The following ZMYND11 variants were observed in gnomAD, a reference collection of about 807,000 sequenced individuals.
ZMYND11 encodes the protein zinc finger MYND-type containing 11.
In ZMYND11, 9 loss-of-function variants were observed where a neutral mutation model predicts 84.9. That is an observed-to-expected ratio of 0.11 (90% CI 0.06 to 0.18). The LOEUF (loss-of-function observed/expected upper bound fraction) is 0.18. Ranked by LOEUF, ZMYND11 falls within the 10% of genes least tolerant of loss-of-function variation. The probability of loss-of-function intolerance (pLI) is 1.00; values close to 1 mark genes in which losing one functional copy is unlikely to be tolerated. For synonymous variants in ZMYND11, 250 were observed against 244.1 expected (o/e 1.02, Z -0.23); for missense variants, 409 against 761.0 (o/e 0.54, Z 5.44).
chr10:237,686 G>T lies in ZMYND11; in HGVS notation c.609+9G>T, dbSNP rs748219867. On this transcript the variant is annotated intron_variant, in intron 6 of 14. Coordinates refer to ENST00000381604, the MANE Select transcript of ZMYND11 (RefSeq NM_001370100.5). The stretch of plus-strand genomic sequence containing the variant: ...TTCCCACCATTCAAGAGGTAAAGTC[G>T]GTTTCTTTTATTTCCACTTCAAGTA... 1 of 1,596,404 alleles carries T rather than the reference G, an allele frequency of 6.3e-7. No homozygotes were observed. Among genetic ancestry groups the T allele is most frequent in the South Asian group, 1.1e-5 (1 of 87,818 alleles).
chr10:149,128 A>C (rs548491579), intron 1 of ZMYND11, among the ~76,000 whole-genome samples: 1 of 152,068 alleles, frequency 6.6e-6, no homozygotes, highest in African/African-American at 2.4e-5. Flanking sequence ...GACTTTGAAA[A>C]ATACGAATTT....
intron 1 of ZMYND11, among the ~76,000 whole-genome samples, chr10:159,296 A>C (rs1316794325): frequency 5.3e-5 from 8 of 151,882 alleles, no homozygotes; most frequent in African/African-American, 1.9e-4. Flanking sequence ...TGTATATGTA[A>C]TTTTGGTGAT....
At chr10:227,705 A>G (rs1219182664) in intron 4 of ZMYND11, among the ~76,000 whole-genome samples, 1 of 152,234 alleles carries the variant, frequency 6.6e-6, no homozygotes, top group Non-Finnish European at 1.5e-5. Context: ...AATGGGATCA[A>G]ATGCTGAATG....
intron 4 of ZMYND11, among the ~76,000 whole-genome samples, chr10:222,588 G>A (rs1485213770): frequency 6.6e-6 from 1 of 152,000 alleles, no homozygotes; most frequent in African/African-American, 2.4e-5. Flanking sequence ...CAAAGGAGCT[G>A]TATTAATATT....
chr10:202,674 T>G (rs1273308959), intron 2 of ZMYND11, among the ~76,000 whole-genome samples: 1 of 152,192 alleles, frequency 6.6e-6, no homozygotes, highest in Non-Finnish European at 1.5e-5. Flanking sequence ...CTGACCTTCA[T>G]CTGTGAAAGG....
chr10:153,496 A>G (rs190619377), intron 1 of ZMYND11, among the ~76,000 whole-genome samples: 5 of 152,372 alleles, frequency 3.3e-5, no homozygotes, highest in Admixed American at 3.3e-4. Flanking sequence ...AACTAGAAAT[A>G]TAACGAAGAG....
At chr10:243,080 A>G (rs369455426) in intron 10 of ZMYND11, among the ~76,000 whole-genome samples, 2 of 152,182 alleles carry the variant, frequency 1.3e-5, no homozygotes, top group South Asian at 4.1e-4. Flanking sequence ...GAAATAATGT[A>G]TTTTTGGTAG....
At chr10:158,990 TG>T (rs1284862289) in intron 1 of ZMYND11, among the ~76,000 whole-genome samples, 12,446 of 107,314 alleles carry the variant, frequency 0.12, 936 homozygotes, top group Non-Finnish European at 0.18. Flanking sequence ...TTTTGTTTTT[TG>T]TTTTTTTTTT....
chr10:198,114 A>G (rs939378087), intron 2 of ZMYND11: 1 of 389,066 alleles, frequency 2.6e-6, no homozygotes, highest in South Asian at 7.6e-5. Flanking sequence ...GCCAAAATTG[A>G]GATTTTAAAT....
chr10:201,179 G>C (rs182361208), intron 2 of ZMYND11, among the ~76,000 whole-genome samples: 1 of 152,026 alleles, frequency 6.6e-6, no homozygotes, highest in East Asian at 1.9e-4. Context: ...GAAATTGGGG[G>C]GCAGTCCTAA....
chr10:144,684 A>C (rs1838309094), intron 1 of ZMYND11, among the ~76,000 whole-genome samples: 1 of 137,018 alleles, frequency 7.3e-6, no homozygotes, highest in Non-Finnish European at 1.5e-5. Context: ...TTAAATCAGA[A>C]TCTCAGGGGT....
chr10:226,050 A>G (rs1463604635), intron 4 of ZMYND11, among the ~76,000 whole-genome samples: 1 of 151,922 alleles, frequency 6.6e-6, no homozygotes, highest in African/African-American at 2.4e-5. Flanking sequence ...ACCATATTAG[A>G]TAGTGCAGTT....
intron 2 of ZMYND11, among the ~76,000 whole-genome samples, chr10:187,526 C>T (rs988848763): frequency 6.0e-5 from 9 of 151,242 alleles, no homozygotes; most frequent in South Asian, 4.2e-4. Context: ...CCCAGCTACT[C>T]GGGAGGCTGA....
intron 8 of ZMYND11, 110 bp downstream of exon 8, chr10:240,221 T>C (rs1357025610): frequency 1.0e-6 from 1 of 1,002,256 alleles, no homozygotes; most frequent in Non-Finnish European, 1.4e-6. Flanking sequence ...AAATGTCTTT[T>C]ATTGCCGGGC....
At chr10:156,847 A>C (rs1554759325) in intron 1 of ZMYND11, among the ~76,000 whole-genome samples, 1 of 152,216 alleles carries the variant, frequency 6.6e-6, no homozygotes, top group African/African-American at 2.4e-5. Flanking sequence ...TAAAAATACA[A>C]ACAAAAAATA....
chr10:227,176 C>T (rs1003461986), intron 4 of ZMYND11, among the ~76,000 whole-genome samples: 1 of 152,148 alleles, frequency 6.6e-6, no homozygotes, highest in African/African-American at 2.4e-5. Context: ...CCAAAAAGCT[C>T]TCCCGAATTT....
intron 5 of ZMYND11, 132 bp from the exon 6 acceptor site, chr10:237,453 G>A (rs1246158616): frequency 3.8e-6 from 2 of 521,162 alleles, no homozygotes; most frequent in African/African-American, 2.0e-5. Flanking sequence ...GACCAGCCTG[G>A]GCAAGATGGC....
intron 14 of ZMYND11, among the ~76,000 whole-genome samples, chr10:250,040 T>C (rs117076595): frequency 0.011 from 1,715 of 152,356 alleles, 17 homozygotes; most frequent in Non-Finnish European, 0.017. Flanking sequence ...TTGGGTGTTA[T>C]AGCCTTCAGT....
chr10:223,697 A>G (rs1036271254), intron 4 of ZMYND11, among the ~76,000 whole-genome samples: 1 of 152,232 alleles, frequency 6.6e-6, no homozygotes, highest in Non-Finnish European at 1.5e-5. Flanking sequence ...CAAGAAAAAG[A>G]TAAGTACTAA....
Sources: allele counts gnomAD v4.1 joint callset (sites outside exome capture counted in the v4.1 genomes callset), GRCh38; gene constraint gnomAD v4.1.1; transcripts MANE v1.5; gene names NCBI Gene and HGNC (gene_info 2026-07-23, HGNC 2026-07-21).